CDH12: variants seen among roughly 807,000 people sequenced by gnomAD.
CDH12 encodes cadherin 12, also known as cadherin-12.
CDH12 carries 41 observed loss-of-function variants against 74.1 expected under a neutral mutation model. The ratio of observed to expected loss-of-function variants is 0.55; its 90% confidence interval spans 0.43 to 0.72. CDH12 has a LOEUF of 0.72. Among genes scored for constraint, CDH12 ranks in the 30% least tolerant of loss-of-function variants. CDH12 has a pLI of 0.00. For missense variants in CDH12, 945 were observed against 977.2 expected (o/e 0.97, Z 0.44); for synonymous variants, 399 against 355.0 (o/e 1.12, Z -1.39).
chr5:21,973,123 C>T (rs1173466859), intron 6 of CDH12, among the ~76,000 whole-genome samples: 1 of 151,674 alleles, frequency 6.6e-6, no homozygotes, highest in African/African-American at 2.4e-5. Flanking sequence ...GGAGGGATCT[C>T]TTCAGCCCAG....
intron 1 of CDH12, among the ~76,000 whole-genome samples, chr5:22,727,370 C>A (rs1441459896): frequency 2.6e-5 from 4 of 151,614 alleles, no homozygotes; most frequent in Non-Finnish European, 5.9e-5. Context: ...CTCCTTCTAT[C>A]TTATTATTAA....
chr5:22,519,632 T>C lies in CDH12; in HGVS notation c.-522-14268A>G, dbSNP rs1020097968. Among the ~76,000 whole-genome samples, 4 of 151,806 alleles carry C rather than the reference T, an allele frequency of 2.6e-5. No individual in the cohort carries two copies. The South Asian group carries it at 6.2e-4, about 24-fold the overall frequency. ...TAGAGACGGGGTTTGACCATGTTAGTCAGGATGGTCTTGATCTCCTGACCT... is the reference window on the plus strand; with the variant it reads ...TAGAGACGGGGTTTGACCATGTTAGCCAGGATGGTCTTGATCTCCTGACCT... On this transcript the variant is annotated intron_variant, in intron 1 of 14. Coordinates refer to ENST00000382254, the MANE Select transcript of CDH12 (RefSeq NM_004061.5).
chr5:21,754,667 T>A lies in CDH12; in HGVS notation c.1885+924A>T, dbSNP rs73054904. Among the ~76,000 whole-genome samples the A allele has an allele frequency of 6.8e-3, 1,033 of 152,302 alleles. 15 individuals carry two copies. Among genetic ancestry groups the A allele is most frequent in the African/African-American group, 0.023 (936 of 41,574 alleles). The stretch of plus-strand genomic sequence containing the variant: ...CGTGCCTTTCATCTCACTAATTATT[T>A]TTTTTTCTTTCCTAGAGATAAAGTC... On this transcript the variant is annotated intron_variant, in intron 14 of 14. Transcript: ENST00000382254.
At chr5:22,675,870 C>CATACATATATATATATATATATATATAT (rs1741147896) in intron 1 of CDH12, among the ~76,000 whole-genome samples, 8 of 92,156 alleles carry the variant, frequency 8.7e-5, no homozygotes, top group Non-Finnish European at 1.5e-4. Context: ...TTTTGTATCT[C>CATACATATATATATATATATATATATAT]ATATATATAT....
chr5:21,967,318 G>C (rs372459406), intron 6 of CDH12, among the ~76,000 whole-genome samples: 1 of 152,080 alleles, frequency 6.6e-6, no homozygotes, highest in Non-Finnish European at 1.5e-5. Context: ...AAATAGAATA[G>C]AGCAAACAAG....
At chr5:22,102,714 A>AATGT (rs1488290506) in intron 4 of CDH12, among the ~76,000 whole-genome samples, 9 of 151,990 alleles carry the variant, frequency 5.9e-5, no homozygotes, top group East Asian at 1.9e-4. Flanking sequence ...ATAATAAGAA[A>AATGT]ATGTAATCCC....
chr5:21,983,216 C>T (rs1259773627), intron 5 of CDH12, among the ~76,000 whole-genome samples: 1 of 151,550 alleles, frequency 6.6e-6, no homozygotes, highest in Non-Finnish European at 1.5e-5. Context: ...TTATTTTACC[C>T]TCATATATAA....
chr5:22,757,152 T>C (rs1305353345), intron 1 of CDH12, among the ~76,000 whole-genome samples: 1 of 152,152 alleles, frequency 6.6e-6, no homozygotes, highest in Non-Finnish European at 1.5e-5. Context: ...ATATTCTCCA[T>C]GTAACTTTTC....
chr5:22,624,182 A>G (rs1738143970), intron 1 of CDH12, among the ~76,000 whole-genome samples: 1 of 152,202 alleles, frequency 6.6e-6, no homozygotes, highest in South Asian at 2.1e-4. Context: ...AAAGACTTAA[A>G]TGTTAGACCT....
At chr5:22,464,339 G>T (rs540995193) in intron 2 of CDH12, among the ~76,000 whole-genome samples, 1 of 152,226 alleles carries the variant, frequency 6.6e-6, no homozygotes, top group Admixed American at 6.5e-5. Context: ...TGCCATTAAA[G>T]TACAAATATT....
chr5:22,259,291 T>C (rs968359230), intron 3 of CDH12, among the ~76,000 whole-genome samples: 3 of 152,126 alleles, frequency 2.0e-5, no homozygotes, highest in African/African-American at 7.2e-5. Context: ...CATAGCCAAG[T>C]TATTTTTATT....
chr5:22,632,925 G>GA (rs1236591745), intron 1 of CDH12, among the ~76,000 whole-genome samples: 18 of 148,736 alleles, frequency 1.2e-4, no homozygotes, highest in South Asian at 4.3e-4. Context: ...CTCAAAAGCA[G>GA]AAAAAAAAAG....
intron 6 of CDH12, among the ~76,000 whole-genome samples, chr5:21,887,766 A>G (rs755319383): frequency 2.6e-5 from 4 of 152,082 alleles, no homozygotes; most frequent in Non-Finnish European, 4.4e-5. Context: ...AAGAATCACT[A>G]CCAGGTTGCA....
intron 3 of CDH12, among the ~76,000 whole-genome samples, chr5:22,255,910 C>A (rs1441044820): frequency 1.3e-5 from 2 of 151,856 alleles, no homozygotes; most frequent in Middle Eastern, 3.2e-3. Context: ...AAATAGGTAA[C>A]CGAGTTGTTT....
chr5:22,196,082 A>T (rs902732114), intron 4 of CDH12, among the ~76,000 whole-genome samples: 2 of 151,830 alleles, frequency 1.3e-5, no homozygotes, highest in Non-Finnish European at 2.9e-5. Context: ...TGTATATTAC[A>T]GTGTGTATGT....
chr5:22,640,899 A>G (rs147584598), intron 1 of CDH12, among the ~76,000 whole-genome samples: 247 of 152,270 alleles, frequency 1.6e-3, no homozygotes, highest in Middle Eastern at 6.8e-3. Flanking sequence ...ATACAAGCCA[A>G]TCATTTTATT....
At chr5:22,785,118 C>T (rs560994641) in intron 1 of CDH12, among the ~76,000 whole-genome samples, 1 of 152,216 alleles carries the variant, frequency 6.6e-6, no homozygotes, top group South Asian at 2.1e-4. Context: ...CATGCACGTG[C>T]TCACAGAGGC....
At chr5:22,660,595 C>T (rs988519801) in intron 1 of CDH12, among the ~76,000 whole-genome samples, 12 of 152,030 alleles carry the variant, frequency 7.9e-5, no homozygotes, top group African/African-American at 2.9e-4. Context: ...ATTTTTTAAT[C>T]TTTGTAAAGA....
At chr5:21,926,407 G>A (rs757891738) in intron 6 of CDH12, among the ~76,000 whole-genome samples, 8 of 152,180 alleles carry the variant, frequency 5.3e-5, no homozygotes, top group Non-Finnish European at 8.8e-5. Context: ...GCTAGAACCA[G>A]TGAATATCTT....
Sources: gnomAD v4.1 joint callset for allele counts (sites outside exome capture counted in the v4.1 genomes callset) on GRCh38, gnomAD v4.1.1 for gene constraint, MANE v1.5 for transcripts, NCBI Gene and HGNC (gene_info 2026-07-23, HGNC 2026-07-21) for gene names.